Variants in UBN1 observed in about 807,000 individuals in gnomAD.
UBN1 encodes ubinuclein-1.
In UBN1, 17 loss-of-function variants were observed where a neutral mutation model predicts 108.5. The ratio of observed to expected loss-of-function variants is 0.16; its 90% confidence interval spans 0.11 to 0.24. The LOEUF (loss-of-function observed/expected upper bound fraction) is 0.24. Among genes scored for constraint, UBN1 ranks in the 10% least tolerant of loss-of-function variants. UBN1 has a pLI of 1.00. For missense variants in UBN1, 1,595 were observed against 1,394.4 expected, an observed-to-expected ratio of 1.14 and a Z score of -2.29; for synonymous variants, 726 against 564.2, an observed-to-expected ratio of 1.29 and a Z score of -4.07.
At chr16:4,859,246 G>C in intron 5 of UBN1, 87 bp downstream of exon 5, 1 of 1,528,100 alleles carries the variant, frequency 6.5e-7, no homozygotes. Context: ...AATACGTGGC[G>C]CTTGGCCGGC....
Position 4,874,623 on chromosome 16 carries a change from TTCTGGCAGAACAGGC to T in UBN1, c.2221_2235del (p.Glu741_Ala745del). The stretch of plus-strand genomic sequence containing the variant: ...AGCTCTCTGCAGTCACCCCTCAATT[TTCTGGCAGAACAGGC>T]TCTGGCACTGGGGCAGTCCTCTCAG... On this transcript the variant is annotated inframe_deletion, in exon 15 of 18. Transcript: ENST00000262376. 6.2e-7 allele frequency: 1 copy of T among 1,614,196 alleles called. No individual in the cohort carries two copies. Among genetic ancestry groups the T allele is most frequent in the Non-Finnish European group, 8.5e-7 (1 of 1,180,028 alleles).
chr16:4,877,511 G>C lies in UBN1; in HGVS notation c.3355+37G>C, dbSNP rs755199945. On this transcript the variant is annotated intron_variant, in intron 17 of 17. Transcript: ENST00000262376. The surrounding 1 kb of genome is among the most constrained non-coding windows in gnomAD (Gnocchi z 4.3). Reference sequence around the variant, plus strand: ...ACGGTCAGTGTGCCACGCGCACCGTGTGCCTTTGCCCTCTCCACCCCTAGG... The same window carrying C: ...ACGGTCAGTGTGCCACGCGCACCGTCTGCCTTTGCCCTCTCCACCCCTAGG... The C allele has an allele frequency of 6.3e-7, 1 of 1,580,268 alleles. No homozygotes were observed. Among genetic ancestry groups the C allele is most frequent in the East Asian group, 2.3e-5 (1 of 43,800 alleles).
rs1377532403 is a variant in UBN1, at chr16:4,881,625, T to A, written c.*1493T>A. Reference sequence around the variant, plus strand: ...TTCAGAGGTTTGCTGGCCTTCCCGGTTTCCCAAGGAGCAAGACCTCTGTCC... The same window carrying A: ...TTCAGAGGTTTGCTGGCCTTCCCGGATTCCCAAGGAGCAAGACCTCTGTCC... On this transcript the variant is annotated 3_prime_UTR_variant, in exon 18 of 18. Coordinates refer to ENST00000262376, the MANE Select transcript of UBN1 (RefSeq NM_001079514.3). 3.3e-5 allele frequency: 5 copies of A among 152,154 alleles called. No individual in the cohort carries two copies. The highest frequency in any genetic ancestry group is 7.4e-5 in the Non-Finnish European group (5 of 68,024). 9.4% of individuals were successfully genotyped at this position (152,154 alleles called of 1,614,324 possible).
chr16:4,875,423 A>G lies in UBN1; in HGVS notation c.3013A>G (p.Thr1005Ala), dbSNP rs1596526863. The change falls in exon 15 of 18, where the codon ACC becomes GCC. Residue 1005 changes from threonine (T) to alanine (A), a missense_variant. Coordinates refer to ENST00000262376, the MANE Select transcript of UBN1 (RefSeq NM_001079514.3). The part of the protein sequence containing the change: ...PSAVSSVTSS[T>A]SLSKGASGTV... The stretch of plus-strand genomic sequence containing the variant: ...TGCAGTTAGTAGTGTGACATCGTCT[A>G]CCTCCTTGTCAGTGAGTATCTGTCA... 8 of 1,608,802 alleles carry G rather than the reference A, an allele frequency of 5.0e-6. No individual in the cohort carries two copies. Among genetic ancestry groups the G allele is most frequent in the Admixed American group, 1.7e-5 (1 of 59,862 alleles).
chr16:4,876,209 C>T (rs1212765755), intron 15 of UBN1, among the ~76,000 whole-genome samples: 4 of 152,048 alleles, frequency 2.6e-5, no homozygotes, highest in African/African-American at 4.8e-5. Context: ...CTGCCCGCCT[C>T]GGCCTCCCAA....
In UBN1 at chr16:4,858,635, C is replaced by T. The variant is rs2086914520; in HGVS notation, c.404C>T (p.Ser135Phe). The change falls in exon 4 of 18, where the codon TCC becomes TTC. Residue 135 changes from serine (S) to phenylalanine (F), a missense_variant. Coordinates refer to ENST00000262376, the MANE Select transcript of UBN1 (RefSeq NM_001079514.3). ...GATATGGGGTATGGTTATGATGAAT[C>T]CGACTCCTTCATCGATAACTCTGAG... Reference protein sequence around the residue: ...LIDMGYGYDESDSFIDNSEAY... With the variant: ...LIDMGYGYDEFDSFIDNSEAY... 2 of 1,614,008 alleles carry T rather than the reference C, an allele frequency of 1.2e-6. No individual in the cohort carries two copies. The highest frequency in any genetic ancestry group is 2.7e-5 in the African/African-American group (2 of 74,900).
At chr16:4,859,694 G>A (rs529874585) in intron 5 of UBN1, among the ~76,000 whole-genome samples, 171 bp from the exon 6 acceptor site, 70 of 152,326 alleles carry the variant, frequency 4.6e-4, no homozygotes, top group South Asian at 1.0e-3. Context: ...GACACCGTCG[G>A]TGGGAATGCT....
Position 4,880,168 on chromosome 16 carries a change from G to A in UBN1, c.*36G>A, listed in dbSNP as rs1287671413. ...GGCAAGGCTTGCCACTTGGGTCTGG[G>A]TGGAATCAGAACGTGCAGGTCTCCC... On this transcript the variant is annotated 3_prime_UTR_variant, in exon 18 of 18. Transcript: ENST00000262376. 6.2e-7 allele frequency: 1 copy of A among 1,611,704 alleles called. No individual in the cohort carries two copies. Among genetic ancestry groups the A allele is most frequent in the South Asian group, 1.1e-5 (1 of 90,994 alleles).
intron 7 of UBN1, among the ~76,000 whole-genome samples, chr16:4,864,113 C>G (rs2087205435): frequency 8.3e-6 from 1 of 119,778 alleles, no homozygotes; most frequent in African/African-American, 3.3e-5. Flanking sequence ...CAGAGTCTGA[C>G]TCCATCACCC....
intron 2 of UBN1, among the ~76,000 whole-genome samples, chr16:4,855,341 A>G (rs751457341): frequency 1.1e-4 from 17 of 152,078 alleles, no homozygotes; most frequent in Non-Finnish European, 2.4e-4. Flanking sequence ...TTGGCCTGGC[A>G]TAGTGGCTCA....
chr16:4,847,702 G>C lies in UBN1; in HGVS notation c.-548G>C, dbSNP rs1476639920. The C allele has an allele frequency of 5.7e-6, 1 of 174,416 alleles. No homozygotes were observed. Among genetic ancestry groups the C allele is most frequent in the African/African-American group, 2.4e-5 (1 of 41,696 alleles). The allele number at this position is 174,416 out of a possible 1,614,324, so 10.8% of individuals were successfully genotyped here. ...CATTCCCGAGCCCGAGGCGCTGGTC[G>C]GCCCCGTCGCAGCGCCAGTGAGCTA... On this transcript the variant is annotated 5_prime_UTR_variant, in exon 1 of 18. Transcript: ENST00000262376.
chr16:4,870,137 T>G, intron 8 of UBN1, 75 bp from the exon 9 acceptor site: 1 of 1,595,908 alleles, frequency 6.3e-7, no homozygotes, highest in Non-Finnish European at 8.6e-7. Flanking sequence ...AGCTTTCCTC[T>G]CCACGTACGG....
intron 14 of UBN1, among the ~76,000 whole-genome samples, chr16:4,873,673 A>G (rs1219329093): frequency 6.6e-6 from 1 of 152,170 alleles, no homozygotes; most frequent in Non-Finnish European, 1.5e-5. Flanking sequence ...AGCTCCCACA[A>G]TGTCCCAGAC....
At position 4,858,557 on chromosome 16, in the gene UBN1, T is replaced by C. The variant is rs1443755484; in HGVS notation, c.337-11T>C. On this transcript the variant is annotated splice_polypyrimidine_tract_variant and intron_variant, in intron 3 of 17. Transcript: ENST00000262376. ...TCAAAAAGCATGTAATCTATTGCTT[T>C]CACATTTTAGGGTGGAAAGAAACGT... 2.5e-6 allele frequency: 4 copies of C among 1,613,408 alleles called. No individual in the cohort carries two copies. The highest frequency in any genetic ancestry group is 3.4e-6 in the Non-Finnish European group (4 of 1,179,340).
intron 7 of UBN1, among the ~76,000 whole-genome samples, chr16:4,863,879 GA>G (rs1005000174): frequency 9.2e-5 from 14 of 152,102 alleles, no homozygotes; most frequent in Non-Finnish European, 1.8e-4. Context: ...CTCAAGAGGG[GA>G]AAGGTGGAAG....
rs73517087 is a variant in UBN1 at position 4,874,426 on chromosome 16, G to A, written c.2016G>A (p.Ser672=). The A allele has an allele frequency of 1.2e-3, 1,917 of 1,614,104 alleles. 24 individuals are homozygous for A. In the African/African-American group the frequency reaches 0.022, roughly 19 times the overall value. ...DEDLIRNPAS[S]VEAVSKELAA... Reference sequence around the variant, plus strand: ...ACTTGATCCGCAATCCAGCCTCCTCGGTGGAAGCCGTGTCCAAGGAATTGG... The same window carrying A: ...ACTTGATCCGCAATCCAGCCTCCTCAGTGGAAGCCGTGTCCAAGGAATTGG... The change falls in exon 15 of 18, where the codon TCG becomes TCA. Residue 672 remains serine (S), a synonymous_variant. Coordinates refer to ENST00000262376, the MANE Select transcript of UBN1 (RefSeq NM_001079514.3).
At position 4,874,413 on chromosome 16, in the gene UBN1, A is replaced by G. The variant is rs1256614070; in HGVS notation, c.2003A>G (p.Asn668Ser). 6.2e-7 allele frequency: 1 copy of G among 1,613,806 alleles called. No individual in the cohort carries two copies. Among genetic ancestry groups the G allele is most frequent in the African/African-American group, 1.3e-5 (1 of 74,824 alleles). Residue 668 changes from asparagine (N) to serine (S), a missense_variant, in exon 15 of 18, where the codon AAT becomes AGT. Physicochemically the swap from Asn to Ser is conservative, Grantham distance 46. This residue lies in a region of UBN1 where 1,398 missense variants were observed against 1,194.7 expected (regional missense o/e 1.17). Coordinates refer to ENST00000262376, the MANE Select transcript of UBN1 (RefSeq NM_001079514.3). ...TCATTGGATGAAGACTTGATCCGCA[A>G]TCCAGCCTCCTCGGTGGAAGCCGTG... ...EDSLDEDLIR[N>S]PASSVEAVSK...
At position 4,870,224 on chromosome 16, in the gene UBN1, G is replaced by A. The variant is rs767219295; in HGVS notation, c.1194G>A (p.Gln398=). The change falls in exon 9 of 18, where the codon CAG becomes CAA. Residue 398 remains glutamine, a synonymous_variant. Transcript: ENST00000262376. ...INGILLDIEA[Q]TRELSSQVRS... ...TTTTGTTCTTCAGCATAGAGGCGCA[G>A]ACTCGGGAGCTGAGCAGTCAGGTCC... 1 of 1,614,250 alleles carries A rather than the reference G, an allele frequency of 6.2e-7. No homozygotes were observed. Among genetic ancestry groups the A allele is most frequent in the South Asian group, 1.1e-5 (1 of 91,084 alleles).
intron 1 of UBN1, 49 bp from the exon 2 acceptor site, chr16:4,852,830 C>A: frequency 6.8e-7 from 1 of 1,474,184 alleles, no homozygotes; most frequent in Non-Finnish European, 9.1e-7. Flanking sequence ...GGCAGGTAAA[C>A]TATTTTATCA....
Sources: gnomAD v4.1 joint callset for allele counts (sites outside exome capture counted in the v4.1 genomes callset) on GRCh38, gnomAD v4.1.1 for gene constraint, gnomAD v4.1.1 regional missense constraint, Gnocchi (gnomAD v3.1) non-coding constraint, MANE v1.5 for transcripts, NCBI Gene and HGNC (gene_info 2026-07-23, HGNC 2026-07-21) for gene names.